CDH18: variants seen among roughly 807,000 people sequenced by gnomAD.
CDH18 encodes the protein cadherin 18, also known as cadherin-18.
In CDH18, 31 loss-of-function variants were observed where a neutral mutation model predicts 67.9. The ratio of observed to expected loss-of-function variants is 0.46; its 90% CI spans 0.34 to 0.62. The LOEUF is 0.62. CDH18 is among the 20% of genes least tolerant of loss of function. The probability of loss-of-function intolerance (pLI) is 0.01; values close to 1 mark genes in which losing one functional copy is unlikely to be tolerated. For missense variants in CDH18, 890 were observed against 975.5 expected (o/e 0.91, Z 1.17); for synonymous variants, 362 against 347.2 (o/e 1.04, Z -0.48).
chr5:20,531,727 G>A (rs148450245), intron 1 of CDH18, among the ~76,000 whole-genome samples: 1 of 152,194 alleles, frequency 6.6e-6, no homozygotes, highest in Non-Finnish European at 1.5e-5. Context: ...AAGCAACAAT[G>A]GGGCCTGTTG....
At chr5:20,566,107 G>A (rs1217898900) in intron 1 of CDH18, among the ~76,000 whole-genome samples, 1 of 152,018 alleles carries the variant, frequency 6.6e-6, no homozygotes, top group Non-Finnish European at 1.5e-5. Flanking sequence ...ACTCTAATTA[G>A]TAAAGTCAGG....
chr5:20,229,863 T>C (rs1351998944), intron 2 of CDH18, among the ~76,000 whole-genome samples: 1 of 152,140 alleles, frequency 6.6e-6, no homozygotes, highest in Non-Finnish European at 1.5e-5. Flanking sequence ...GAGAGGAGCA[T>C]TGTAAATTAA....
In CDH18 at chr5:19,565,387, G is replaced by A. The variant is rs184059124; in HGVS notation, c.1253+6192C>T. On this transcript the variant is annotated intron_variant, in intron 8 of 12. Coordinates refer to ENST00000382275, the MANE Select transcript of CDH18 (RefSeq NM_004934.5). ...TTGTTTAGGGGAATGTAAGGGAAGAGAACAAGAGTCTTTGCCTAGTAATCC... is the reference window on the plus strand; with the variant it reads ...TTGTTTAGGGGAATGTAAGGGAAGAAAACAAGAGTCTTTGCCTAGTAATCC... Among the ~76,000 whole-genome samples, 92 of 152,274 alleles carry A rather than the reference G, an allele frequency of 6.0e-4. 1 individual carries two copies. The highest frequency in any genetic ancestry group is 2.0e-3 in the African/African-American group (82 of 41,552).
chr5:20,321,856 C>G (rs1029194479), intron 1 of CDH18, among the ~76,000 whole-genome samples: 1 of 152,148 alleles, frequency 6.6e-6, no homozygotes, highest in East Asian at 1.9e-4. Flanking sequence ...TATTATCAAG[C>G]AAGACCAATG....
At chr5:20,467,342 A>AAGT (rs397950384) in intron 1 of CDH18, among the ~76,000 whole-genome samples, 2 of 151,430 alleles carry the variant, frequency 1.3e-5, no homozygotes, top group Non-Finnish European at 3.0e-5. Context: ...CAAGTTTAAG[A>AAGT]TTTCTCTTCA....
chr5:19,775,690 A>G lies in CDH18; in HGVS notation c.229-28454T>C, dbSNP rs140137126. Among the ~76,000 whole-genome samples the G allele has an allele frequency of 3.4e-3, 517 of 152,298 alleles. 2 individuals are homozygous for G. The highest frequency in any genetic ancestry group is 0.012 in the African/African-American group (500 of 41,566). ...CCATCATTGAGGATTACAATTCAAC[A>G]TGAGATTTAGACGGAGACAAATATC... On this transcript the variant is annotated intron_variant, in intron 3 of 12. Transcript: ENST00000382275.
At chr5:20,413,993 G>A (rs897414642) in intron 1 of CDH18, among the ~76,000 whole-genome samples, 12 of 151,966 alleles carry the variant, frequency 7.9e-5, no homozygotes, top group Admixed American at 3.9e-4. Flanking sequence ...TTTTATATAA[G>A]GTGTAAGGAA....
intron 2 of CDH18, among the ~76,000 whole-genome samples, chr5:20,040,798 G>A (rs1052460016): frequency 4.6e-5 from 7 of 152,104 alleles, no homozygotes; most frequent in Non-Finnish European, 1.0e-4. Context: ...CTGCCCTCCT[G>A]TGAAACCACA....
At chr5:20,351,189 T>TGC (rs1336149547) in intron 1 of CDH18, among the ~76,000 whole-genome samples, 18 of 144,130 alleles carry the variant, frequency 1.2e-4, no homozygotes, top group African/African-American at 2.5e-4. Flanking sequence ...TGTGTGTGTG[T>TGC]GTGCGTGTGT....
At chr5:19,521,345 T>A (rs965307551) in intron 9 of CDH18, among the ~76,000 whole-genome samples, 10 of 152,156 alleles carry the variant, frequency 6.6e-5, no homozygotes, top group African/African-American at 2.4e-4. Flanking sequence ...TACATGTAAC[T>A]CTCGTAGATA....
chr5:19,748,939 A>G (rs1770480494), intron 3 of CDH18, among the ~76,000 whole-genome samples: 2 of 152,112 alleles, frequency 1.3e-5, no homozygotes, highest in Non-Finnish European at 2.9e-5. Flanking sequence ...AAAAATGCTT[A>G]TTTAGATCTT....
chr5:20,460,615 A>ATAGT lies in CDH18; in HGVS notation c.-580+114846_-580+114847insACTA, dbSNP rs1169857086. On this transcript the variant is annotated intron_variant, in intron 1 of 14. Coordinates refer to the CDH18 transcript ENST00000507958. ...GCTTATAGTCAGATTTCATCTTTGA[A>ATAGT]CAGTGAAACCTACATTTGAGATTTT... is the stretch of plus-strand genomic sequence containing the variant. 8.0e-3 allele frequency among the ~76,000 whole-genome samples: 1,217 copies of ATAGT among 152,164 alleles called. 16 individuals are homozygous for ATAGT. The highest frequency in any genetic ancestry group is 0.028 in the African/African-American group (1,161 of 41,502).
chr5:19,869,429 G>A (rs1232138767), intron 2 of CDH18, among the ~76,000 whole-genome samples: 2 of 151,894 alleles, frequency 1.3e-5, no homozygotes, highest in African/African-American at 4.8e-5. Context: ...AATTTCACCC[G>A]ATAAAATGAT....
intron 8 of CDH18, among the ~76,000 whole-genome samples, chr5:19,551,292 C>A (rs764185604): frequency 3.9e-5 from 6 of 152,078 alleles, no homozygotes; most frequent in Non-Finnish European, 5.9e-5. Flanking sequence ...TCTCTGTGTA[C>A]AATAAGTCAC....
chr5:19,596,085 A>G (rs1424756705), intron 6 of CDH18, among the ~76,000 whole-genome samples: 1 of 152,186 alleles, frequency 6.6e-6, no homozygotes, highest in Non-Finnish European at 1.5e-5. Flanking sequence ...CAGTTTTTCA[A>G]ACATCTCCAA....
intron 2 of CDH18, among the ~76,000 whole-genome samples, chr5:20,137,608 G>C (rs755033722): frequency 6.6e-6 from 1 of 151,926 alleles, no homozygotes; most frequent in Non-Finnish European, 1.5e-5. Context: ...GTCATTCTCC[G>C]TCCACCTTTG....
intron 9 of CDH18, among the ~76,000 whole-genome samples, chr5:19,524,497 T>TA (rs999169283): frequency 9.2e-5 from 14 of 151,858 alleles, no homozygotes; most frequent in South Asian, 2.1e-4. Context: ...TTATAAATTA[T>TA]AAAAAATTGA....
chr5:20,155,713 C>A (rs1751472506), intron 2 of CDH18, among the ~76,000 whole-genome samples: 1 of 152,058 alleles, frequency 6.6e-6, no homozygotes, highest in African/African-American at 2.4e-5. Context: ...TCAGATCTTA[C>A]ATTTAAGTAT....
chr5:19,960,060 G>GA (rs1796638244), intron 2 of CDH18, among the ~76,000 whole-genome samples: 1 of 152,158 alleles, frequency 6.6e-6, no homozygotes, highest in South Asian at 2.1e-4. Flanking sequence ...GAGTAAATGT[G>GA]AAGACCTATG....
Sources: allele counts gnomAD v4.1 joint callset (sites outside exome capture counted in the v4.1 genomes callset), GRCh38; gene constraint gnomAD v4.1.1; transcripts MANE v1.5; gene names NCBI Gene and HGNC (gene_info 2026-07-23, HGNC 2026-07-21).